Variants in ME1 observed in about 807,000 individuals in gnomAD.
The protein encoded by ME1 is NADP-dependent malic enzyme.
Under a neutral mutation model 66.4 loss-of-function variants are expected in ME1, and 74 were observed. The ratio of observed to expected loss-of-function variants is 1.11; its 90% CI spans 0.92 to 1.35. The LOEUF (loss-of-function observed/expected upper bound fraction) is 1.35. Ranked by LOEUF, ME1 falls within the 40% of genes most tolerant of loss-of-function variation. ME1 has a pLI of 0.00. For synonymous variants in ME1, 251 were observed against 235.6 expected (o/e 1.07, Z -0.60); for missense variants, 750 against 694.1 (o/e 1.08, Z -0.90).
rs1208067960 is a variant in ME1, at chr6:83,251,369, C to T, written c.814+2260G>A. 2.0e-5 allele frequency among the ~76,000 whole-genome samples: 3 copies of T among 152,088 alleles called. No homozygotes were observed. The East Asian group carries it at 5.8e-4, about 30-fold the overall frequency. On this transcript the variant is annotated intron_variant, in intron 7 of 13. Coordinates refer to ENST00000369705, the MANE Select transcript of ME1 (RefSeq NM_002395.6). ...AATTAGCCGGGCGCAGTGGCACGCA[C>T]CTGTAATCCCAGCTACTCAGCAGGC...
At chr6:83,224,468 A>AAGTC (rs1200371389) in intron 11 of ME1, among the ~76,000 whole-genome samples, 1 of 151,860 alleles carries the variant, frequency 6.6e-6, no homozygotes, top group Non-Finnish European at 1.5e-5. Context: ...AGATCACTTG[A>AAGTC]AGTCAGGAGT....
intron 6 of ME1, among the ~76,000 whole-genome samples, chr6:83,313,465 T>C (rs1412105455): frequency 6.6e-6 from 1 of 152,200 alleles, no homozygotes; most frequent in Non-Finnish European, 1.5e-5. Context: ...TCTCATTTTT[T>C]CCCAAAACTT....
At chr6:83,291,950 A>G (rs1214947539) in intron 6 of ME1, among the ~76,000 whole-genome samples, 1 of 151,828 alleles carries the variant, frequency 6.6e-6, no homozygotes, top group Non-Finnish European at 1.5e-5. Flanking sequence ...AAGTTCTTGT[A>G]GTGTGCTTTC....
chr6:83,301,055 G>T (rs972386061), intron 6 of ME1, among the ~76,000 whole-genome samples: 1 of 152,104 alleles, frequency 6.6e-6, no homozygotes, highest in African/African-American at 2.4e-5. Context: ...ATGGGATGGG[G>T]GGAGTGGGGA....
chr6:83,303,508 C>T (rs2128537118), intron 6 of ME1, among the ~76,000 whole-genome samples: 1 of 152,186 alleles, frequency 6.6e-6, no homozygotes, highest in Non-Finnish European at 1.5e-5. Flanking sequence ...CTAAAGCTTA[C>T]TGAAGTTTAT....
intron 11 of ME1, among the ~76,000 whole-genome samples, chr6:83,224,691 A>AAT (rs1554262414): frequency 1.4e-5 from 2 of 144,664 alleles, no homozygotes; most frequent in Non-Finnish European, 3.0e-5. Context: ...CTCAAAAAAA[A>AAT]AAAAAATAAA....
intron 1 of ME1, 39 bp downstream of exon 1, chr6:83,430,838 G>A: frequency 6.6e-7 from 1 of 1,525,820 alleles, no homozygotes; most frequent in South Asian, 1.2e-5. Context: ...CCCTGATAGA[G>A]AGGGGCCGAT....
rs917657474 is a variant in ME1 at position 83,385,778 on chromosome 6, A to G, written c.362+12589T>C. Among the ~76,000 whole-genome samples the G allele has an allele frequency of 1.2e-4, 19 of 152,006 alleles. 1 individual carries two copies. The highest frequency in any genetic ancestry group is 4.3e-4 in the African/African-American group (18 of 41,382). On this transcript the variant is annotated intron_variant, in intron 3 of 13. Transcript: ENST00000369705. ...ACTTCTGGGCACTCACTGAATTTCC[A>G]GTACTTAAGATATAGAATACTCTAC...
intron 1 of ME1, among the ~76,000 whole-genome samples, chr6:83,424,583 A>G (rs1770333287): frequency 6.6e-6 from 1 of 152,054 alleles, no homozygotes; most frequent in Non-Finnish European, 1.5e-5. Context: ...CAATGGCTAC[A>G]AGCAAACCTG....
At chr6:83,334,189 C>G (rs1185596182) in intron 5 of ME1, among the ~76,000 whole-genome samples, 1 of 151,072 alleles carries the variant, frequency 6.6e-6, no homozygotes, top group Non-Finnish European at 1.5e-5. Context: ...TTTTCCGAGT[C>G]AAAGAAAGGG....
intron 5 of ME1, among the ~76,000 whole-genome samples, chr6:83,341,736 T>A (rs1768589592): frequency 6.6e-6 from 1 of 152,132 alleles, no homozygotes; most frequent in Non-Finnish European, 1.5e-5. Flanking sequence ...TTGCACTGAC[T>A]TCCTGGAACA....
Position 83,297,294 on chromosome 6 carries a change from G to A in ME1, c.704+18016C>T, listed in dbSNP as rs186086675. On this transcript the variant is annotated intron_variant, in intron 6 of 13. Transcript: ENST00000369705. Reference sequence around the variant, plus strand: ...TATACTGACAACTACAAAACACTGCGGAAGGAAATCAGAGACAACACAAAC... The same window carrying A: ...TATACTGACAACTACAAAACACTGCAGAAGGAAATCAGAGACAACACAAAC... Among the ~76,000 whole-genome samples the A allele has an allele frequency of 1.2e-4, 18 of 152,144 alleles. No individual in the cohort carries two copies. In the East Asian group the frequency reaches 1.4e-3, roughly 11 times the overall value.
At chr6:83,394,243 T>A (rs1769686930) in intron 3 of ME1, among the ~76,000 whole-genome samples, 1 of 152,040 alleles carries the variant, frequency 6.6e-6, no homozygotes, top group East Asian at 1.9e-4. Flanking sequence ...TGTAGTTTAG[T>A]ATGAAGTTTG....
chr6:83,312,753 T>C (rs958551365), intron 6 of ME1, among the ~76,000 whole-genome samples: 1 of 151,030 alleles, frequency 6.6e-6, no homozygotes, highest in Non-Finnish European at 1.5e-5. Flanking sequence ...TGGGTACTCC[T>C]TTTTTTTTAA....
intron 2 of ME1, among the ~76,000 whole-genome samples, chr6:83,402,124 C>T (rs1275317153): frequency 6.6e-6 from 1 of 152,204 alleles, no homozygotes; most frequent in Non-Finnish European, 1.5e-5. Context: ...TACAATGTTT[C>T]CCAACAATCT....
At chr6:83,384,147 C>A (rs1769458170) in intron 3 of ME1, among the ~76,000 whole-genome samples, 1 of 151,722 alleles carries the variant, frequency 6.6e-6, no homozygotes, top group African/African-American at 2.4e-5. Flanking sequence ...GTGCATGTGT[C>A]TTTTTGGTCG....
intron 6 of ME1, among the ~76,000 whole-genome samples, chr6:83,277,901 A>AAATAATAATAATAAC (rs1554264916): frequency 4.9e-5 from 7 of 144,112 alleles, no homozygotes; most frequent in African/African-American, 1.6e-4. Flanking sequence ...CTGTATCTCA[A>AAATAATAATAATAAC]AATAATAATA....
chr6:83,357,375 T>A (rs1768909929), intron 3 of ME1, among the ~76,000 whole-genome samples: 1 of 152,212 alleles, frequency 6.6e-6, no homozygotes, highest in Admixed American at 6.5e-5. Flanking sequence ...TTTATTCAGA[T>A]CAGTATGGGC....
intron 6 of ME1, among the ~76,000 whole-genome samples, chr6:83,294,324 C>G (rs1767555536): frequency 6.6e-6 from 1 of 152,208 alleles, no homozygotes; most frequent in Non-Finnish European, 1.5e-5. Context: ...GTTACAGAGT[C>G]TTCAGATACA....
Sources: allele counts gnomAD v4.1 joint callset (sites outside exome capture counted in the v4.1 genomes callset), GRCh38; gene constraint gnomAD v4.1.1; transcripts MANE v1.5; gene names NCBI Gene and HGNC (gene_info 2026-07-23, HGNC 2026-07-21).